The following PLXNA4 variants were observed in gnomAD, a reference collection of about 807,000 sequenced individuals.
The protein encoded by PLXNA4 is plexin-A4.
PLXNA4 carries 44 observed loss-of-function variants against 191.8 expected under a neutral mutation model. That is an observed-to-expected ratio of 0.23 (90% CI 0.18 to 0.29). The LOEUF (loss-of-function observed/expected upper bound fraction) is 0.29, where lower values mean the gene tolerates loss of function less well. Among genes scored for constraint, PLXNA4 ranks in the 10% least tolerant of loss-of-function variants. PLXNA4 has a pLI of 1.00. For synonymous variants in PLXNA4, 1,082 were observed against 1,009.5 expected (o/e 1.07, Z -1.36); for missense variants, 1,800 against 2,488.8 (o/e 0.72, Z 5.89).
At position 132,647,154 on chromosome 7, in the gene PLXNA4, C is replaced by T. The variant is rs1234696675; in HGVS notation, c.-202-1111G>A. ...ACTGACTTACACACATGCAGTCACA[C>T]ATATATATACATTCACAAACCCACA... On this transcript the variant is annotated intron_variant, in intron 1 of 4. Coordinates refer to the PLXNA4 transcript ENST00000378539. Among the ~76,000 whole-genome samples, 11 of 151,986 alleles carry T rather than the reference C, an allele frequency of 7.2e-5. No homozygotes were observed. In the East Asian group the frequency reaches 9.7e-4, roughly 13 times the overall value.
chr7:132,182,317 G>C (rs757936412), intron 16 of PLXNA4, 127 bp from the exon 17 acceptor site: 182 of 1,419,556 alleles, frequency 1.3e-4, no homozygotes, highest in Non-Finnish European at 1.7e-4. Flanking sequence ...TGTTCATGGG[G>C]ACAAGGATGA....
intron 1 of PLXNA4, among the ~76,000 whole-genome samples, chr7:132,517,663 C>G (rs761566761): frequency 4.9e-4 from 74 of 152,284 alleles, no homozygotes; most frequent in Non-Finnish European, 9.0e-4. Context: ...GTCAGCAGCC[C>G]CCTCCCTTGT....
At chr7:132,243,363 C>T (rs1309927347) in intron 4 of PLXNA4, among the ~76,000 whole-genome samples, 2 of 152,184 alleles carry the variant, frequency 1.3e-5, no homozygotes, top group East Asian at 3.8e-4. Flanking sequence ...AATTACCATC[C>T]TCCTCAGTTT....
chr7:132,349,690 C>A (rs998449994), intron 3 of PLXNA4, among the ~76,000 whole-genome samples: 26 of 152,164 alleles, frequency 1.7e-4, no homozygotes, highest in African/African-American at 6.0e-4. Flanking sequence ...TCGTGGAGAT[C>A]AGGAACAGCT....
intron 2 of PLXNA4, among the ~76,000 whole-genome samples, chr7:132,645,717 T>C (rs1220884100): frequency 6.6e-6 from 1 of 152,176 alleles, no homozygotes; most frequent in Non-Finnish European, 1.5e-5. Flanking sequence ...CCCAAGCTGC[T>C]GCCGGTTCCA....
chr7:132,588,136 C>T (rs1802535148), intron 2 of PLXNA4, among the ~76,000 whole-genome samples: 1 of 152,064 alleles, frequency 6.6e-6, no homozygotes, highest in Admixed American at 6.5e-5. Context: ...CCCACAGAGG[C>T]CTCAGGCGAT....
intron 3 of PLXNA4, among the ~76,000 whole-genome samples, chr7:132,456,466 AT>A (rs1796320966): frequency 6.6e-6 from 1 of 152,012 alleles, no homozygotes; most frequent in East Asian, 1.9e-4. Context: ...ATCTCAACCA[AT>A]TTCCTAGAAG....
intron 2 of PLXNA4, among the ~76,000 whole-genome samples, chr7:132,624,726 T>C (rs1032706124): frequency 6.6e-6 from 1 of 152,074 alleles, no homozygotes; most frequent in Non-Finnish European, 1.5e-5. Context: ...AAGCTTAGGG[T>C]TAAACACCAG....
chr7:132,225,744 C>A (rs995563600), intron 8 of PLXNA4, among the ~76,000 whole-genome samples: 3 of 152,214 alleles, frequency 2.0e-5, no homozygotes, highest in East Asian at 1.9e-4. Context: ...TGGACACACA[C>A]TGGGGCTTCT....
intron 2 of PLXNA4, among the ~76,000 whole-genome samples, chr7:132,495,972 T>C (rs374039454): frequency 5.1e-4 from 78 of 152,294 alleles, no homozygotes; most frequent in African/African-American, 1.9e-3. Flanking sequence ...CCCCTAAGAA[T>C]AGAAAGATGA....
chr7:132,268,767 T>G (rs996602645), intron 4 of PLXNA4, among the ~76,000 whole-genome samples: 1 of 152,208 alleles, frequency 6.6e-6, no homozygotes, highest in Non-Finnish European at 1.5e-5. Context: ...GGATAGCATC[T>G]GTTGCTTCCT....
chr7:132,377,093 G>A (rs1319125906), intron 3 of PLXNA4, among the ~76,000 whole-genome samples: 2 of 152,084 alleles, frequency 1.3e-5, no homozygotes, highest in African/African-American at 2.4e-5. Flanking sequence ...TTTTCTATGA[G>A]GCAATTGGAT....
At chr7:132,196,689 C>T (rs1797263981) in intron 13 of PLXNA4, among the ~76,000 whole-genome samples, 2 of 152,200 alleles carry the variant, frequency 1.3e-5, no homozygotes, top group South Asian at 4.1e-4. Flanking sequence ...TTCCAAATTT[C>T]CTTCTAGAAA....
chr7:132,186,694 G>A (rs772703094), intron 15 of PLXNA4, among the ~76,000 whole-genome samples: 6 of 152,144 alleles, frequency 3.9e-5, no homozygotes, highest in South Asian at 2.1e-4. Context: ...CTGACCTAAC[G>A]GACCCTATCT....
chr7:132,295,507 A>G (rs1801043055), intron 4 of PLXNA4, among the ~76,000 whole-genome samples: 1 of 152,110 alleles, frequency 6.6e-6, no homozygotes, highest in Non-Finnish European at 1.5e-5. Flanking sequence ...GCTGAGGGAG[A>G]CCCACCACCT....
chr7:132,431,734 C>T (rs966354964), intron 3 of PLXNA4, among the ~76,000 whole-genome samples: 1 of 152,170 alleles, frequency 6.6e-6, no homozygotes, highest in Non-Finnish European at 1.5e-5. Context: ...TGCATCCAGG[C>T]AGCCATGAGC....
At chr7:132,212,788 G>A (rs1478089312) in intron 9 of PLXNA4, among the ~76,000 whole-genome samples, 1 of 152,140 alleles carries the variant, frequency 6.6e-6, no homozygotes, top group Non-Finnish European at 1.5e-5. Context: ...TTGTTTCATG[G>A]GAGTGCCCCA....
chr7:132,455,329 T>C (rs1036494215), intron 3 of PLXNA4, among the ~76,000 whole-genome samples: 2 of 151,954 alleles, frequency 1.3e-5, no homozygotes, highest in African/African-American at 4.8e-5. Flanking sequence ...CGCCTGGCTC[T>C]CAGGATGGTG....
At chr7:132,613,356 C>T (rs1265116867) in intron 2 of PLXNA4, among the ~76,000 whole-genome samples, 3 of 151,532 alleles carry the variant, frequency 2.0e-5, no homozygotes, top group South Asian at 2.1e-4. Context: ...AAGCCACCCT[C>T]CCCCCCGACA....
Sources: gnomAD v4.1 joint callset for allele counts (sites outside exome capture counted in the v4.1 genomes callset) on GRCh38, gnomAD v4.1.1 for gene constraint, MANE v1.5 for transcripts, NCBI Gene and HGNC (gene_info 2026-07-23, HGNC 2026-07-21) for gene names.